KIAA1210: variants seen among roughly 807,000 people sequenced by gnomAD.
The protein encoded by KIAA1210 is acrosomal protein KIAA1210.
KIAA1210 carries 48 observed loss-of-function variants against 78.9 expected under a neutral mutation model. That is an observed-to-expected ratio of 0.61 (90% CI 0.48 to 0.77). The LOEUF is 0.77. Among genes scored for constraint, KIAA1210 ranks in the 30% least tolerant of loss-of-function variants. The pLI, the probability that KIAA1210 is intolerant of heterozygous loss-of-function variation, is 0.00. For missense variants in KIAA1210, 1,108 were observed against 1,100.0 expected, an observed-to-expected ratio of 1.01 and a Z score of -0.10; for synonymous variants, 406 against 404.5, an observed-to-expected ratio of 1.00 and a Z score of -0.04.
chrX:119,131,551 T>C (rs1928791740), upstream of KIAA1210, among the ~76,000 whole-genome samples: 1 of 111,857 alleles, frequency 8.9e-6, no homozygotes, highest in South Asian at 3.7e-4. Context: ...GAACCTAAAA[T>C]AAAAGTTGAA....
chrX:119,121,040 T>C (rs901356538), intron 2 of KIAA1210, among the ~76,000 whole-genome samples: 2 of 111,167 alleles, frequency 1.8e-5, no homozygotes, highest in African/African-American at 6.5e-5. Context: ...CCACCCCCAC[T>C]ATCCCATGAA....
At chrX:119,125,689 C>T (rs1182184306) in intron 1 of KIAA1210, among the ~76,000 whole-genome samples, 1 of 69,991 alleles carries the variant, frequency 1.4e-5, no homozygotes, top group Non-Finnish European at 2.6e-5. Context: ...GGAGTACAGG[C>T]GTGCTCCACC....
intron 4 of KIAA1210, 23 bp from the exon 5 acceptor site, chrX:119,108,494 A>G: frequency 1.7e-6 from 2 of 1,195,411 alleles, no homozygotes; most frequent in East Asian, 5.9e-5. Context: ...GAGAGAAAAA[A>G]ACTTGAGGAT....
rs1927103996 is a variant in KIAA1210 at position 119,085,529 on chromosome X, G to C, written c.4174C>G (p.Gln1392Glu). 2 of 1,207,867 alleles carry C rather than the reference G, an allele frequency of 1.7e-6. No individual in the cohort carries two copies. Among genetic ancestry groups the C allele is most frequent in the East Asian group, 5.9e-5 (2 of 33,764 alleles). The stretch of plus-strand genomic sequence containing the variant: ...GGCTCTGAGACAGCATAATCTGACT[G>C]TTGACCAGCAGGCTTTCCTGAGAAA... ...CKTPGKPAGQ[Q>E]SDYAVSEPVW... is the part of the protein sequence containing the mutation. Residue 1392 changes from glutamine (Q) to glutamate (E), a missense_variant, in exon 10 of 12, where the codon CAG becomes GAG. Gln to Glu is a conservative substitution (Grantham distance 29, BLOSUM62 2). Transcript: ENST00000691062.
chrX:119,147,540 C>T, exon 2 of KIAA1210: 1 of 1,210,405 alleles, frequency 8.3e-7, no homozygotes, highest in East Asian at 3.0e-5. Flanking sequence ...ACTATCCTGG[C>T]CAGATCCCCA....
chrX:119,094,040 C>G, intron 7 of KIAA1210: 1 of 1,209,275 alleles, frequency 8.3e-7, no homozygotes, highest in Non-Finnish European at 1.1e-6. Context: ...TGACACACTG[C>G]AGGGATCCCT....
rs1556001945 is a variant in KIAA1210, at chrX:119,117,389, G to GTGTGA, written c.62-726_62-725insTCACA. On this transcript the variant is annotated intron_variant, in intron 2 of 11. Coordinates refer to ENST00000691062, the MANE Select transcript of KIAA1210 (RefSeq NM_001394962.1). Reference sequence around the variant, plus strand: ...AAGGAGTGTGTGTGTGTGTGTGTGTGTGATGATGATCATTGTGTGTGTTCT... The same window carrying GTGTGA: ...AAGGAGTGTGTGTGTGTGTGTGTGTGTGTGATGATGATGATCATTGTGTGTGTTCT... Among the ~76,000 whole-genome samples, 471 of 110,817 alleles carry GTGTGA rather than the reference G, an allele frequency of 4.3e-3. 2 individuals are homozygous for GTGTGA. The highest frequency in any genetic ancestry group is 0.015 in the African/African-American group (451 of 30,037).
chrX:119,105,199 C>G, intron 5 of KIAA1210, 52 bp from the exon 6 acceptor site: 1 of 1,084,290 alleles, frequency 9.2e-7, no homozygotes, highest in Non-Finnish European at 1.2e-6. Flanking sequence ...CTCTCTTCCT[C>G]AAATTAGTGG....
intron 4 of KIAA1210, 33 bp from the exon 5 acceptor site, chrX:119,108,504 T>C: frequency 8.4e-7 from 1 of 1,189,378 alleles, no homozygotes; most frequent in Non-Finnish European, 1.1e-6. Flanking sequence ...AACTTGAGGA[T>C]TGGTATGCCA....
chrX:119,127,589 A>C (rs1928683757), intron 1 of KIAA1210, among the ~76,000 whole-genome samples, 138 bp downstream of exon 1: 1 of 111,479 alleles, frequency 9.0e-6, no homozygotes, highest in Non-Finnish European at 1.9e-5. Context: ...GACATGTGGA[A>C]CTGTCTCCTC....
intron 7 of KIAA1210, 163 bp from the exon 8 acceptor site, chrX:119,093,938 T>C (rs896689773): frequency 8.2e-5 from 78 of 956,479 alleles, no homozygotes; most frequent in Non-Finnish European, 8.1e-5. Context: ...TCCAGGGATT[T>C]CTTAATGGAA....
At chrX:119,108,225 T>A in intron 5 of KIAA1210, 112 bp downstream of exon 5, 1 of 707,981 alleles carries the variant, frequency 1.4e-6, no homozygotes, top group Non-Finnish European at 2.1e-6. Flanking sequence ...CCAGAGAAGT[T>A]AATCAACTAG....
upstream of KIAA1210, among the ~76,000 whole-genome samples, chrX:119,132,170 C>A (rs965974772): frequency 8.9e-6 from 1 of 112,269 alleles, no homozygotes; most frequent in Non-Finnish European, 1.9e-5. Flanking sequence ...TCAGAGGAGA[C>A]CTCAGCCCTG....
At chrX:119,140,528 T>C (rs1929025118) in intron 2 of KIAA1210, among the ~76,000 whole-genome samples, 1 of 45,170 alleles carries the variant, frequency 2.2e-5, no homozygotes, top group Non-Finnish European at 4.1e-5. Context: ...CAAGACTCTT[T>C]CTTAAAAAAA....
In KIAA1210 at chrX:119,109,148, C is replaced by T; in HGVS notation, c.285G>A (p.Leu95=). 8.3e-7 allele frequency: 1 copy of T among 1,207,215 alleles called. No homozygotes were observed. Among genetic ancestry groups the T allele is most frequent in the Non-Finnish European group, 1.1e-6 (1 of 892,420 alleles). Residue 95 remains leucine, a synonymous_variant, in exon 4 of 12, where the codon TTG becomes TTA. Transcript: ENST00000691062. ...KALSHDSIFM[L]GPEPERSASK... is the part of the protein sequence containing the mutation. ...TTGCTGATCTTTCAGGCTCAGGACC[C>T]AACATGAAGATGCTATCATGGGATA... is the stretch of plus-strand genomic sequence containing the variant.
At chrX:119,096,224 G>T (rs1160359166) in intron 7 of KIAA1210, among the ~76,000 whole-genome samples, 1 of 112,295 alleles carries the variant, frequency 8.9e-6, no homozygotes, top group African/African-American at 3.2e-5. Context: ...CCAATAAGCA[G>T]TTTATGGGGG....
intron 6 of KIAA1210, among the ~76,000 whole-genome samples, chrX:119,104,338 T>C (rs1452313073): frequency 8.9e-6 from 1 of 112,348 alleles, no homozygotes; most frequent in South Asian, 3.7e-4. Flanking sequence ...CTTCACTTCA[T>C]AGGATCTTTT....
At chrX:119,116,319 A>G (rs181246928) in intron 3 of KIAA1210, among the ~76,000 whole-genome samples, 177 bp downstream of exon 3, 18 of 112,141 alleles carry the variant, frequency 1.6e-4, no homozygotes, top group African/African-American at 5.5e-4. Flanking sequence ...ATATGCACAC[A>G]GAGAAAAGCA....
chrX:119,135,364 T>A (rs1928887690), intron 2 of KIAA1210, among the ~76,000 whole-genome samples: 1 of 111,178 alleles, frequency 9.0e-6, no homozygotes, highest in Non-Finnish European at 1.9e-5. Flanking sequence ...ATGCACAGAG[T>A]CCTGCCAAAA....
Sources: allele counts gnomAD v4.1 joint callset (sites outside exome capture counted in the v4.1 genomes callset), GRCh38; gene constraint gnomAD v4.1.1; transcripts MANE v1.5; gene names NCBI Gene and HGNC (gene_info 2026-07-23, HGNC 2026-07-21).